SH3RF2: variants seen among roughly 807,000 people sequenced by gnomAD.
SH3RF2 encodes the protein SH3 domain containing ring finger 2, also known as E3 ubiquitin-protein ligase SH3RF2.
A neutral mutation model predicts 59.0 loss-of-function variants in SH3RF2; 43 were observed. The ratio of observed to expected loss-of-function variants is 0.73; its 90% CI spans 0.57 to 0.94. SH3RF2 has a LOEUF of 0.94. Among genes scored for constraint, SH3RF2 ranks in the 40% least tolerant of loss-of-function variants. The probability of loss-of-function intolerance (pLI) is 0.00; values close to 1 mark genes in which losing one functional copy is unlikely to be tolerated. For missense variants in SH3RF2, 930 were observed against 940.1 expected (o/e 0.99, Z 0.14); for synonymous variants, 391 against 391.5 (o/e 1.00, Z 0.01).
rs546450954 is a variant in SH3RF2 at position 145,947,152 on chromosome 5, C to G, written c.378+8846C>G. 1.9e-4 allele frequency among the ~76,000 whole-genome samples: 28 copies of G among 146,386 alleles called. No homozygotes were observed. In the East Asian group the frequency reaches 5.1e-3, roughly 27 times the overall value. ...CAATAACTTTCCATTCTGTCCTCTC[C>G]CATATATATATATATATATTTAAAA... On this transcript the variant is annotated intron_variant, in intron 2 of 9. Transcript: ENST00000359120.
At chr5:145,960,844 AG>A (rs1758604578) in intron 2 of SH3RF2, among the ~76,000 whole-genome samples, 1 of 152,244 alleles carries the variant, frequency 6.6e-6, no homozygotes, top group Non-Finnish European at 1.5e-5. Context: ...ACACATTAGC[AG>A]GGTCAAAACT....
intron 2 of SH3RF2, among the ~76,000 whole-genome samples, chr5:145,941,845 C>G (rs945752376): frequency 6.6e-6 from 1 of 152,154 alleles, no homozygotes; most frequent in African/African-American, 2.4e-5. Flanking sequence ...ATTCATGTCA[C>G]TTAGCTCTTA....
chr5:146,064,173 G>C (rs1458104503), downstream of SH3RF2, among the ~76,000 whole-genome samples: 1 of 152,100 alleles, frequency 6.6e-6, no homozygotes, highest in Non-Finnish European at 1.5e-5. Flanking sequence ...AGAAAATGTG[G>C]AGGAAAGAAA....
intron 8 of SH3RF2, among the ~76,000 whole-genome samples, chr5:146,057,190 C>T (rs1305384537): frequency 2.6e-5 from 4 of 152,148 alleles, no homozygotes; most frequent in Non-Finnish European, 4.4e-5. Context: ...GACAATATGC[C>T]CCTTTTTAAG....
intron 2 of SH3RF2, among the ~76,000 whole-genome samples, chr5:145,957,871 G>A (rs1758478568): frequency 6.6e-6 from 1 of 152,170 alleles, no homozygotes; most frequent in Non-Finnish European, 1.5e-5. Flanking sequence ...CCAATACTTT[G>A]AGAGGCCAAG....
chr5:145,977,272 T>C (rs1013626219), intron 2 of SH3RF2, among the ~76,000 whole-genome samples: 3 of 152,240 alleles, frequency 2.0e-5, no homozygotes, highest in Admixed American at 6.5e-5. Flanking sequence ...TTCTGACATA[T>C]ATGGTTACTA....
rs148318852 is a variant in SH3RF2 at position 146,077,656 on chromosome 5, G to A, written c.*34-804G>A. 1.2e-4 allele frequency among the ~76,000 whole-genome samples: 18 copies of A among 152,240 alleles called. No homozygotes were observed. In the East Asian group the frequency reaches 3.5e-3, roughly 29 times the overall value. On this transcript the variant is annotated intron_variant, in intron 9 of 9. Coordinates refer to the SH3RF2 transcript ENST00000511217. ...CATGTTGATATAGTACTATTAACTAGTCTACAGGTCTTATTCAATTGCCCT... is the reference window on the plus strand; with the variant it reads ...CATGTTGATATAGTACTATTAACTAATCTACAGGTCTTATTCAATTGCCCT...
At chr5:145,958,407 A>G (rs1758499373) in intron 2 of SH3RF2, among the ~76,000 whole-genome samples, 1 of 152,126 alleles carries the variant, frequency 6.6e-6, no homozygotes, top group African/African-American at 2.4e-5. Flanking sequence ...AGCTCTAAGC[A>G]CTCAGTGACA....
chr5:146,073,537 C>T (rs963580060), intron 9 of SH3RF2, among the ~76,000 whole-genome samples: 1 of 152,240 alleles, frequency 6.6e-6, no homozygotes, highest in African/African-American at 2.4e-5. Flanking sequence ...ATTAAACCCC[C>T]GCTGGGCGTC....
rs147315893 is a variant in SH3RF2, at chr5:145,993,261, C to T, written c.379-6797C>T. Among the ~76,000 whole-genome samples the T allele has an allele frequency of 5.3e-5, 8 of 152,350 alleles. No homozygotes were observed. The East Asian group carries it at 1.5e-3, about 29-fold the overall frequency. ...TACAGCCTTCCTCCCAGCTGCTTTA[C>T]ACAGGCTGATGTTGAGTGTCTGCAG... On this transcript the variant is annotated intron_variant, in intron 2 of 9. Coordinates refer to ENST00000359120, the MANE Select transcript of SH3RF2 (RefSeq NM_152550.4).
chr5:146,077,107 T>C (rs1005393591), intron 9 of SH3RF2, among the ~76,000 whole-genome samples: 2 of 152,220 alleles, frequency 1.3e-5, no homozygotes, highest in Admixed American at 6.5e-5. Context: ...GTTTGGACTT[T>C]ATTTGTACTC....
intron 2 of SH3RF2, among the ~76,000 whole-genome samples, chr5:145,954,945 G>T (rs575633202): frequency 2.0e-5 from 3 of 152,152 alleles, no homozygotes; most frequent in Non-Finnish European, 2.9e-5. Context: ...GACCAGAGGT[G>T]GGGGGAAGTG....
chr5:146,023,508 C>G (rs1399109247), intron 5 of SH3RF2, among the ~76,000 whole-genome samples: 1 of 152,198 alleles, frequency 6.6e-6, no homozygotes, highest in African/African-American at 2.4e-5. Context: ...TGAGGCTGGC[C>G]TCCCCCATAC....
exon 10 of SH3RF2, chr5:146,081,264 G>T (rs552639959): frequency 6.6e-6 from 1 of 152,010 alleles, no homozygotes; most frequent in East Asian, 1.9e-4. Flanking sequence ...TGTTTCTCCT[G>T]GGAGCACGTA....
chr5:146,070,927 C>T (rs996411070), intron 9 of SH3RF2, among the ~76,000 whole-genome samples: 1 of 152,182 alleles, frequency 6.6e-6, no homozygotes, highest in African/African-American at 2.4e-5. Context: ...GTTTTGTGCA[C>T]TATGTGCATT....
intron 2 of SH3RF2, among the ~76,000 whole-genome samples, chr5:145,990,870 G>T (rs1759908351): frequency 6.6e-6 from 1 of 152,234 alleles, no homozygotes; most frequent in South Asian, 2.1e-4. Context: ...AATGATGGGT[G>T]AGAAAAGCTA....
chr5:145,953,124 T>TCACA (rs3221819), intron 2 of SH3RF2, among the ~76,000 whole-genome samples: 16,973 of 148,740 alleles, frequency 0.11, 1,142 homozygotes, highest in Middle Eastern at 0.2. Context: ...TCTCTCTCTG[T>TCACA]CACACACACA....
intron 5 of SH3RF2, among the ~76,000 whole-genome samples, chr5:146,024,297 T>C (rs1248088248): frequency 1.3e-5 from 2 of 152,212 alleles, no homozygotes; most frequent in Non-Finnish European, 2.9e-5. Context: ...AATGTTATCC[T>C]ATTGTGGTTT....
chr5:145,975,262 A>G (rs6874472), intron 2 of SH3RF2, among the ~76,000 whole-genome samples: 12,919 of 152,224 alleles, frequency 0.085, 1,864 homozygotes, highest in African/African-American at 0.29. Flanking sequence ...CCAGTTTAAC[A>G]AAATGGCTCC....
Sources: gnomAD v4.1 joint callset for allele counts (sites outside exome capture counted in the v4.1 genomes callset) on GRCh38, gnomAD v4.1.1 for gene constraint, MANE v1.5 for transcripts, NCBI Gene and HGNC (gene_info 2026-07-23, HGNC 2026-07-21) for gene names.